The following CDCA7L variants were observed in gnomAD, a reference collection of about 807,000 sequenced individuals.
CDCA7L encodes the protein cell division cycle-associated 7-like protein.
In CDCA7L, 44 loss-of-function variants were observed where a neutral mutation model predicts 57.4. The ratio of observed to expected loss-of-function variants is 0.77; its 90% CI spans 0.60 to 0.98. CDCA7L has a LOEUF of 0.98. Among genes scored for constraint, CDCA7L ranks in the 50% least tolerant of loss-of-function variants. CDCA7L has a pLI of 0.00. For missense variants in CDCA7L, 644 were observed against 580.6 expected (o/e 1.11, Z -1.12); for synonymous variants, 236 against 202.8 (o/e 1.16, Z -1.39).
chr7:21,901,110 ACAAGAAAC>A lies in CDCA7L; in HGVS notation c.*1204_*1211del. 17 of 1,613,492 alleles carry A rather than the reference ACAAGAAAC, an allele frequency of 1.1e-5. No homozygotes were observed. The highest frequency in any genetic ancestry group is 1.4e-5 in the Non-Finnish European group (16 of 1,179,538). On this transcript the variant is annotated 3_prime_UTR_variant, in exon 10 of 10. Transcript: ENST00000406877. Reference sequence around the variant, plus strand: ...TTGCAAAAGCCACCCCCGTGGACAGACAAGAAACCAAACAGACCTACGAGTGCCCTGTG... The same window carrying A: ...TTGCAAAAGCCACCCCCGTGGACAGACAAACAGACCTACGAGTGCCCTGTG...
intron 1 of CDCA7L, among the ~76,000 whole-genome samples, chr7:21,937,690 A>G (rs1786216227): frequency 6.6e-6 from 1 of 152,066 alleles, no homozygotes; most frequent in African/African-American, 2.4e-5. Context: ...ACATTTCCTG[A>G]CTTCAATACT....
intron 1 of CDCA7L, among the ~76,000 whole-genome samples, chr7:21,932,338 A>G (rs1786042526): frequency 6.6e-6 from 1 of 152,212 alleles, no homozygotes; most frequent in Admixed American, 6.5e-5. Flanking sequence ...GAGCCTGTAT[A>G]GCCAAGACAA....
intron 1 of CDCA7L, among the ~76,000 whole-genome samples, chr7:21,918,244 GA>G (rs1785547925): frequency 6.6e-6 from 1 of 152,194 alleles, no homozygotes; most frequent in African/African-American, 2.4e-5. Flanking sequence ...TAGATGGGAA[GA>G]TATTGTAATG....
intron 8 of CDCA7L, among the ~76,000 whole-genome samples, chr7:21,903,578 C>G (rs1007184573): frequency 6.8e-6 from 1 of 146,310 alleles, no homozygotes; most frequent in African/African-American, 2.6e-5. Context: ...AGGTCACACT[C>G]GGGAGCAGGA....
chr7:21,916,566 C>A (rs1785488333), intron 2 of CDCA7L, among the ~76,000 whole-genome samples, 188 bp downstream of exon 2: 2 of 145,478 alleles, frequency 1.4e-5, no homozygotes, highest in Admixed American at 1.4e-4. Context: ...AGGATTAACA[C>A]AGCAAAGTGA....
intron 1 of CDCA7L, among the ~76,000 whole-genome samples, chr7:21,926,640 G>A (rs1785836951): frequency 6.6e-6 from 1 of 152,138 alleles, no homozygotes; most frequent in Non-Finnish European, 1.5e-5. Context: ...GGAAGGCTGA[G>A]GCAGGAGGAT....
At chr7:21,921,396 AT>A (rs2128063769) in intron 1 of CDCA7L, among the ~76,000 whole-genome samples, 1 of 151,858 alleles carries the variant, frequency 6.6e-6, no homozygotes, top group African/African-American at 2.4e-5. Flanking sequence ...CAACGAACTG[AT>A]TTGTCTAACA....
At chr7:21,909,403 A>C (rs1022471445) in intron 3 of CDCA7L, among the ~76,000 whole-genome samples, 34 of 152,098 alleles carry the variant, frequency 2.2e-4, no homozygotes, top group African/African-American at 7.5e-4. Context: ...CTGAAAATCT[A>C]CCAAGAACAC....
rs1255662567 is a variant in CDCA7L at position 21,906,573 on chromosome 7, C to G, written c.748G>C (p.Ala250Pro). The G allele has an allele frequency of 6.2e-7, 1 of 1,613,964 alleles. No individual in the cohort carries two copies. Among genetic ancestry groups the G allele is most frequent in the Non-Finnish European group, 8.5e-7 (1 of 1,180,014 alleles). Residue 250 changes from alanine (A) to proline (P), a missense_variant, in exon 5 of 10, where the codon GCT (alanine) becomes CCT (proline). Transcript: ENST00000406877. The part of the protein sequence containing the change: ...DFFPVRTPTS[A>P]SRKKTVRRAF... ...TTATAAGGAGTTCTACTTACAGAAG[C>G]TGAGGTTGGGGTTCGTACTGGGAAG...
chr7:21,934,239 C>T (rs1217933392), intron 1 of CDCA7L, among the ~76,000 whole-genome samples: 1 of 152,080 alleles, frequency 6.6e-6, no homozygotes, highest in East Asian at 1.9e-4. Context: ...TTCATGGATA[C>T]ACAACACATA....
intron 1 of CDCA7L, among the ~76,000 whole-genome samples, chr7:21,925,732 ATAAAAAATTAGCCAG>A (rs1310797351): frequency 2.6e-5 from 4 of 152,112 alleles, no homozygotes; most frequent in African/African-American, 9.7e-5. Flanking sequence ...TCTACAAAAC[ATAAAAAATTAGCCAG>A]GCATAGTGGC....
At chr7:21,905,401 C>T (rs1332576983) in intron 7 of CDCA7L, 105 bp downstream of exon 7, 7 of 1,290,590 alleles carry the variant, frequency 5.4e-6, no homozygotes, top group African/African-American at 1.5e-5. Flanking sequence ...TGGCTCTGAG[C>T]CCTTGGTGAG....
intron 1 of CDCA7L, among the ~76,000 whole-genome samples, chr7:21,922,229 A>G (rs2128064084): frequency 6.6e-6 from 1 of 152,312 alleles, no homozygotes; most frequent in East Asian, 1.9e-4. Context: ...TTCAGAAAGG[A>G]CTGCAGGTTT....
intron 2 of CDCA7L, among the ~76,000 whole-genome samples, chr7:21,916,022 C>T (rs1386322071): frequency 6.6e-6 from 1 of 152,036 alleles, no homozygotes; most frequent in Non-Finnish European, 1.5e-5. Context: ...TACAGTGGCC[C>T]ACGTAATTAA....
At chr7:21,902,404 C>CATTCTAGGCTTGAGAG (rs760774604) in intron 9 of CDCA7L, 52 bp from the exon 10 acceptor site, 15 of 1,538,736 alleles carry the variant, frequency 9.7e-6, no homozygotes, top group Middle Eastern at 1.7e-4. Flanking sequence ...ACACAAATGG[C>CATTCTAGGCTTGAGAG]ATTCTAGGCT....
At chr7:21,911,046 T>G (rs1275849145) in intron 3 of CDCA7L, among the ~76,000 whole-genome samples, 1 of 93,066 alleles carries the variant, frequency 1.1e-5, no homozygotes, top group African/African-American at 4.1e-5. Context: ...TTTTTTTTTT[T>G]TGAGATGGAG....
chr7:21,929,680 T>C (rs928902109), intron 1 of CDCA7L, among the ~76,000 whole-genome samples: 2 of 131,760 alleles, frequency 1.5e-5, no homozygotes, highest in Non-Finnish European at 3.2e-5. Context: ...TCCTAGTCTC[T>C]AATAAAACAG....
At chr7:21,905,256 T>C (rs1785102058) in intron 7 of CDCA7L, among the ~76,000 whole-genome samples, 1 of 152,160 alleles carries the variant, frequency 6.6e-6, no homozygotes, top group Admixed American at 6.5e-5. Context: ...TAAAAATCCC[T>C]TTTAAACTAT....
At chr7:21,911,155 G>C (rs1046925257) in intron 3 of CDCA7L, among the ~76,000 whole-genome samples, 1 of 150,746 alleles carries the variant, frequency 6.6e-6, no homozygotes, top group Non-Finnish European at 1.5e-5. Context: ...TCCGCCTCCC[G>C]AGTAGCTTGG....
Sources: allele counts gnomAD v4.1 joint callset (sites outside exome capture counted in the v4.1 genomes callset), GRCh38; gene constraint gnomAD v4.1.1; transcripts MANE v1.5; gene names NCBI Gene and HGNC (gene_info 2026-07-23, HGNC 2026-07-21).